DEPTOR: variants seen among roughly 807,000 people sequenced by gnomAD.
DEPTOR encodes DEP domain containing MTOR interacting protein.
DEPTOR carries 41 observed loss-of-function variants against 41.6 expected under a neutral mutation model. The ratio of observed to expected loss-of-function variants is 0.98; its 90% confidence interval spans 0.77 to 1.28. The LOEUF (loss-of-function observed/expected upper bound fraction) is 1.28. Ranked by LOEUF, DEPTOR falls within the 50% of genes most tolerant of loss-of-function variation. The pLI, the probability that DEPTOR is intolerant of heterozygous loss-of-function variation, is 0.00. For missense variants in DEPTOR, 514 were observed against 527.9 expected (o/e 0.97, Z 0.26); for synonymous variants, 195 against 192.3 (o/e 1.01, Z -0.12).
At position 119,873,904 on chromosome 8, in the gene DEPTOR, G is replaced by A; in HGVS notation, c.58G>A (p.Gly20Ser). The A allele has an allele frequency of 6.2e-7, 1 of 1,613,778 alleles. No individual in the cohort carries two copies. ...AGSDSSTSGS[G>S]GAQQRELERM... Reference sequence around the variant, plus strand: ...CAGTGACAGCAGCACCAGCGGGAGTGGCGGGGCGCAGCAAAGGGAGCTGGA... The same window carrying A: ...CAGTGACAGCAGCACCAGCGGGAGTAGCGGGGCGCAGCAAAGGGAGCTGGA... Residue 20 changes from glycine (G) to serine (S), a missense_variant, in exon 1 of 9, where the codon GGC becomes AGC. Gly to Ser is a moderately conservative substitution (Grantham distance 56). Transcript: ENST00000286234.
intron 4 of DEPTOR, among the ~76,000 whole-genome samples, chr8:119,996,985 T>C (rs1464978993): frequency 2.0e-5 from 3 of 152,202 alleles, no homozygotes; most frequent in Non-Finnish European, 4.4e-5. Context: ...AATTTGACTA[T>C]CCACAAGAGA....
chr8:119,960,450 C>T (rs1828475919), intron 3 of DEPTOR, among the ~76,000 whole-genome samples: 1 of 151,952 alleles, frequency 6.6e-6, no homozygotes, highest in African/African-American at 2.4e-5. Flanking sequence ...ATCCTGAGTC[C>T]CTTCCATGGA....
intron 8 of DEPTOR, among the ~76,000 whole-genome samples, chr8:120,031,665 C>T (rs1359635867): frequency 6.6e-6 from 1 of 152,022 alleles, no homozygotes; most frequent in East Asian, 1.9e-4. Flanking sequence ...CACAGTGATG[C>T]CTCTAAGTCT....
At chr8:119,927,163 ATGAAGTTC>A (rs1827973893) in intron 1 of DEPTOR, among the ~76,000 whole-genome samples, 1 of 152,166 alleles carries the variant, frequency 6.6e-6, no homozygotes, top group African/African-American at 2.4e-5. Context: ...AACAGACCCT[ATGAAGTTC>A]TGGAACCACT....
At chr8:119,980,476 T>TTCTTTTCTTTTCTTTTCTTTTCTTC (rs1563580981) in intron 4 of DEPTOR, among the ~76,000 whole-genome samples, 1 of 140,090 alleles carries the variant, frequency 7.1e-6, no homozygotes, top group African/African-American at 2.7e-5. Flanking sequence ...TTCTTTTCTT[T>TTCTTTTCTTTTCTTTTCTTTTCTTC]TCTTTTCTTT....
chr8:120,036,333 G>C (rs1812978879), intron 8 of DEPTOR, among the ~76,000 whole-genome samples: 2 of 152,152 alleles, frequency 1.3e-5, no homozygotes, highest in Non-Finnish European at 2.9e-5. Flanking sequence ...TTCTTTCAAG[G>C]TCAATTGCAC....
intron 1 of DEPTOR, among the ~76,000 whole-genome samples, chr8:119,900,682 C>T (rs898979610): frequency 6.6e-6 from 1 of 151,984 alleles, no homozygotes; most frequent in Non-Finnish European, 1.5e-5. Flanking sequence ...AATCAGTGCA[C>T]CTGGACCTTA....
chr8:119,966,665 G>A (rs1289505992), intron 4 of DEPTOR, among the ~76,000 whole-genome samples: 1 of 152,060 alleles, frequency 6.6e-6, no homozygotes, highest in East Asian at 1.9e-4. Context: ...ATTTTTAGGG[G>A]AGGGATTTGC....
chr8:119,966,770 C>A (rs557077660), intron 4 of DEPTOR, among the ~76,000 whole-genome samples: 8 of 152,266 alleles, frequency 5.3e-5, no homozygotes, highest in African/African-American at 1.7e-4. Flanking sequence ...AACAACCATG[C>A]CGGGCCCAAG....
At chr8:119,900,757 A>G (rs1406822428) in intron 1 of DEPTOR, among the ~76,000 whole-genome samples, 1 of 152,060 alleles carries the variant, frequency 6.6e-6, no homozygotes, top group South Asian at 2.1e-4. Flanking sequence ...TGCCTGCTAC[A>G]AGGTATAAGC....
At chr8:119,903,497 C>T (rs1340300047) in intron 1 of DEPTOR, among the ~76,000 whole-genome samples, 1 of 152,132 alleles carries the variant, frequency 6.6e-6, no homozygotes, top group African/African-American at 2.4e-5. Flanking sequence ...GATTAACATA[C>T]CATCTTTATG....
chr8:119,902,939 G>A (rs949548530), intron 1 of DEPTOR, among the ~76,000 whole-genome samples: 2 of 152,144 alleles, frequency 1.3e-5, no homozygotes, highest in Non-Finnish European at 2.9e-5. Flanking sequence ...AGACACGAAA[G>A]AACCTGTACA....
chr8:119,964,863 T>C (rs910282796), intron 3 of DEPTOR, among the ~76,000 whole-genome samples: 12 of 151,888 alleles, frequency 7.9e-5, no homozygotes, highest in African/African-American at 2.9e-4. Flanking sequence ...CACCTGAGGT[T>C]GGGAGTTCAA....
chr8:119,929,041 C>T (rs1012559435), intron 2 of DEPTOR, among the ~76,000 whole-genome samples: 6 of 152,216 alleles, frequency 3.9e-5, no homozygotes, highest in Admixed American at 6.5e-5. Flanking sequence ...GCTTCATCCA[C>T]ATTGATAGTA....
intron 3 of DEPTOR, among the ~76,000 whole-genome samples, chr8:119,962,086 CAAA>C (rs772605916): frequency 0.093 from 4,470 of 48,164 alleles, 65 homozygotes; most frequent in African/African-American, 0.1. Context: ...ACTAAAAATA[CAAA>C]AAAAAAAAAA....
At chr8:120,008,501 C>T (rs908094366) in intron 7 of DEPTOR, among the ~76,000 whole-genome samples, 1 of 128,206 alleles carries the variant, frequency 7.8e-6, no homozygotes, top group Non-Finnish European at 1.6e-5. Context: ...GCACTCCAGC[C>T]TGGGTGACAG....
intron 8 of DEPTOR, among the ~76,000 whole-genome samples, chr8:120,046,132 C>T (rs961646008): frequency 2.0e-5 from 3 of 152,128 alleles, no homozygotes; most frequent in Admixed American, 6.5e-5. Context: ...AGCATCAGGG[C>T]CCTCTTCCCT....
chr8:119,966,312 A>C (rs1284816990), intron 4 of DEPTOR, among the ~76,000 whole-genome samples: 1 of 152,162 alleles, frequency 6.6e-6, no homozygotes, highest in Non-Finnish European at 1.5e-5. Flanking sequence ...TAAAAAATAC[A>C]AAAATTAGCT....
intron 4 of DEPTOR, among the ~76,000 whole-genome samples, chr8:119,986,877 A>G (rs1275883279): frequency 6.6e-6 from 1 of 151,486 alleles, no homozygotes; most frequent in African/African-American, 2.4e-5. Flanking sequence ...TTTCAGCTTT[A>G]TCAGGTTATA....
Sources: gnomAD v4.1 joint callset for allele counts (sites outside exome capture counted in the v4.1 genomes callset) on GRCh38, gnomAD v4.1.1 for gene constraint, MANE v1.5 for transcripts, NCBI Gene and HGNC (gene_info 2026-07-23, HGNC 2026-07-21) for gene names.